The following ATP5PF variants were observed in gnomAD, a reference collection of about 807,000 sequenced individuals.
ATP5PF encodes the protein ATP synthase peripheral stalk subunit F6.
In ATP5PF, 7 loss-of-function variants were observed where a neutral mutation model predicts 12.0. The observed-to-expected ratio is 0.58, with a 90% CI of 0.33 to 1.10. ATP5PF has a LOEUF of 1.10. ATP5PF is among the 50% of genes least tolerant of loss of function. The pLI, the probability that ATP5PF is intolerant of heterozygous loss-of-function variation, is 0.03. For synonymous variants in ATP5PF, 41 were observed against 45.4 expected (o/e 0.90, Z 0.39); for missense variants, 120 against 127.7 (o/e 0.94, Z 0.29).
chr21:25,727,093 T>C (rs1368570883), intron 2 of ATP5PF, among the ~76,000 whole-genome samples: 1 of 152,184 alleles, frequency 6.6e-6, no homozygotes, highest in Non-Finnish European at 1.5e-5. Flanking sequence ...CTAACATGAA[T>C]GAGAAAATGA....
At chr21:25,729,553 C>A in intron 2 of ATP5PF, 78 bp downstream of exon 2, 2 of 1,342,870 alleles carry the variant, frequency 1.5e-6, no homozygotes, top group Non-Finnish European at 2.0e-6. Flanking sequence ...TTTCAAATAC[C>A]AAGTCATTTT....
At position 25,725,435 on chromosome 21, in the gene ATP5PF, G is replaced by T. The variant is rs1333028804; in HGVS notation, c.165-85C>A. On this transcript the variant is annotated intron_variant, in intron 2 of 3. Coordinates refer to ENST00000284971, the MANE Select transcript of ATP5PF (RefSeq NM_001003703.2). ...TACTTTTCACCACCACATTCCAACA[G>T]ATCTTTTTTTTTTTTTCTTTTTTGA... The T allele has an allele frequency of 5.5e-6, 7 of 1,280,486 alleles. No individual in the cohort carries two copies. In the East Asian group the frequency reaches 1.1e-4, roughly 20 times the overall value. 79.3% of individuals were successfully genotyped at this position (1,280,486 alleles called of 1,614,324 possible).
chr21:25,731,621 AT>A (rs142720585), intron 1 of ATP5PF, among the ~76,000 whole-genome samples: 14,139 of 151,402 alleles, frequency 0.093, 754 homozygotes, highest in Middle Eastern at 0.15. Flanking sequence ...AAATTTCTGA[AT>A]CTTCAAGTGA....
chr21:25,724,504 C>T lies in ATP5PF; in HGVS notation c.*136G>A, dbSNP rs1258470622. 4 of 990,746 alleles carry T rather than the reference C, an allele frequency of 4.0e-6. No individual in the cohort carries two copies. Among genetic ancestry groups the T allele is most frequent in the Non-Finnish European group, 6.0e-6 (4 of 670,456 alleles). 61.4% of individuals were successfully genotyped at this position (990,746 alleles called of 1,614,324 possible). ...CTCAATTCATCAAGAACACACTCAA[C>T]ATCACCAAATAATTTATTTGGACTC... is the stretch of plus-strand genomic sequence containing the variant. On this transcript the variant is annotated 3_prime_UTR_variant, in exon 4 of 4. Transcript: ENST00000284971.
chr21:25,725,734 C>T (rs147301390), intron 2 of ATP5PF, among the ~76,000 whole-genome samples: 31 of 152,306 alleles, frequency 2.0e-4, no homozygotes, highest in East Asian at 1.4e-3. Context: ...CCACCACACC[C>T]GGCCAATAGA....
chr21:25,731,087 C>CA (rs977295762), intron 1 of ATP5PF, among the ~76,000 whole-genome samples: 1 of 151,970 alleles, frequency 6.6e-6, no homozygotes, highest in Non-Finnish European at 1.5e-5. Context: ...ACTAAACATA[C>CA]AAAAATAAGT....
chr21:25,735,432 C>T (rs2035007648), upstream of ATP5PF: 1 of 167,872 alleles, frequency 6.0e-6, no homozygotes, highest in Non-Finnish European at 1.3e-5. Context: ...GCGCCGATTC[C>T]GCGGGAAGGG....
chr21:25,732,258 A>AT (rs1166390042), intron 1 of ATP5PF, among the ~76,000 whole-genome samples: 3 of 152,230 alleles, frequency 2.0e-5, no homozygotes, highest in African/African-American at 7.2e-5. Flanking sequence ...TATAACGACA[A>AT]TAACAGCCCT....
At chr21:25,732,910 A>G (rs1317191206) in intron 1 of ATP5PF, among the ~76,000 whole-genome samples, 2 of 125,562 alleles carry the variant, frequency 1.6e-5, no homozygotes, top group Non-Finnish European at 3.2e-5. Context: ...TGAACCCAGG[A>G]GGCGGAGGTT....
intron 1 of ATP5PF, among the ~76,000 whole-genome samples, chr21:25,731,561 T>C (rs1412484935): frequency 6.6e-6 from 1 of 151,192 alleles, no homozygotes; most frequent in East Asian, 1.9e-4. Flanking sequence ...ATTTTTACTT[T>C]TTTTTTTTTT....
upstream of ATP5PF, chr21:25,735,274 G>A: frequency 2.2e-6 from 1 of 445,384 alleles, no homozygotes; most frequent in South Asian, 3.0e-5. Flanking sequence ...AAGTGAGACT[G>A]TGTAAAACAA....
intron 1 of ATP5PF, chr21:25,734,312 C>T (rs770068478): frequency 2.0e-5 from 20 of 985,364 alleles, no homozygotes; most frequent in Admixed American, 1.8e-4. Flanking sequence ...GAGCATGGTT[C>T]TATTTATAGT....
In ATP5PF at chr21:25,730,736, C is replaced by CACAAAAAAAAAAA. The variant is rs1219090743; in HGVS notation, c.-7-936_-7-935insTTTTTTTTTTTGT. Among the ~76,000 whole-genome samples the CACAAAAAAAAAAA allele has an allele frequency of 1.4e-3, 46 of 31,898 alleles. 3 individuals are homozygous for CACAAAAAAAAAAA. The highest frequency in any genetic ancestry group is 2.3e-3 in the Non-Finnish European group (33 of 14,382). 20.9% of individuals were successfully genotyped at this position (31,898 alleles called of 152,430 possible). The stretch of plus-strand genomic sequence containing the variant: ...GCAACAAGAGCAAGACTCCGTCTCA[C>CACAAAAAAAAAAA]AAAAAAAAAAAAAAAAAAAAAAAAA... On this transcript the variant is annotated intron_variant, in intron 1 of 3. Transcript: ENST00000284971.
In ATP5PF at chr21:25,725,236, G is replaced by A. The variant is rs2123437238; in HGVS notation, c.279C>T (p.Phe93=). The change falls in exon 3 of 4, where the codon TTC becomes TTT. Residue 93 remains phenylalanine, a synonymous_variant. Transcript: ENST00000284971. ...ATTTATAAGACGTACCTTCAAATTT[G>A]AAGGTGGGAAATGTATTCATGTCTG... ...GNADMNTFPT[F]KFEDPKFEVI... is the part of the protein sequence containing the mutation. 1 of 1,606,118 alleles carries A rather than the reference G, an allele frequency of 6.2e-7. No homozygotes were observed. The highest frequency in any genetic ancestry group is 2.2e-5 in the East Asian group (1 of 44,764).
In ATP5PF at chr21:25,725,230, A is replaced by G; in HGVS notation, c.285T>C (p.Phe95=). Residue 95 remains phenylalanine, a synonymous_variant, in exon 3 of 4, where the codon TTT becomes TTC. Transcript: ENST00000284971. ...ADMNTFPTFK[F]EDPKFEVIEK... ...TCTGTGATTTATAAGACGTACCTTC[A>G]AATTTGAAGGTGGGAAATGTATTCA... 6.2e-7 allele frequency: 1 copy of G among 1,604,144 alleles called. No individual in the cohort carries two copies. Among genetic ancestry groups the G allele is most frequent in the Non-Finnish European group, 8.5e-7 (1 of 1,177,722 alleles).
chr21:25,730,736 CAAAA>C (rs71183508), intron 1 of ATP5PF, among the ~76,000 whole-genome samples: 6 of 31,874 alleles, frequency 1.9e-4, no homozygotes, highest in Non-Finnish European at 2.8e-4. Flanking sequence ...CTCCGTCTCA[CAAAA>C]AAAAAAAAAA....
chr21:25,725,584 C>T (rs1175687561), intron 2 of ATP5PF, among the ~76,000 whole-genome samples: 2 of 152,052 alleles, frequency 1.3e-5, no homozygotes, highest in East Asian at 3.9e-4. Context: ...GGATTACAGG[C>T]ACACGCCACC....
Position 25,729,762 on chromosome 21 carries a change from AGAG to A in ATP5PF, c.30_32del (p.Ser11del), listed in dbSNP as rs1395648371. On this transcript the variant is annotated inframe_deletion, in exon 2 of 4. Transcript: ENST00000284971. Reference sequence around the variant, plus strand: ...GGACTGAGACGGCTGACCGAATGACAGAGGAGAACCTGAAGAGCCTCTGAAGAA... The same window carrying A: ...GGACTGAGACGGCTGACCGAATGACAGAGAACCTGAAGAGCCTCTGAAGAA... 9.9e-6 allele frequency: 16 copies of A among 1,613,834 alleles called. No individual in the cohort carries two copies. The highest frequency in any genetic ancestry group is 1.7e-4 in the Middle Eastern group (1 of 5,936).
chr21:25,726,719 T>C (rs1454504622), intron 2 of ATP5PF, among the ~76,000 whole-genome samples: 1 of 152,158 alleles, frequency 6.6e-6, no homozygotes, highest in Non-Finnish European at 1.5e-5. Context: ...GCCAACTGGG[T>C]CTCATTAATT....
Sources: allele counts gnomAD v4.1 joint callset (sites outside exome capture counted in the v4.1 genomes callset), GRCh38; gene constraint gnomAD v4.1.1; transcripts MANE v1.5; gene names NCBI Gene and HGNC (gene_info 2026-07-23, HGNC 2026-07-21).